PLXNA4: variants seen among roughly 807,000 people sequenced by gnomAD.
PLXNA4 encodes plexin-A4.
Under a neutral mutation model 191.8 loss-of-function variants are expected in PLXNA4, and 44 were observed. The ratio of observed to expected loss-of-function variants is 0.23; its 90% CI spans 0.18 to 0.29. The LOEUF (loss-of-function observed/expected upper bound fraction) is 0.29. Ranked by LOEUF, PLXNA4 falls within the 10% of genes least tolerant of loss-of-function variation. The pLI, the probability that PLXNA4 is intolerant of heterozygous loss-of-function variation, is 1.00. For synonymous variants in PLXNA4, 1,082 were observed against 1,009.5 expected, an observed-to-expected ratio of 1.07 and a Z score of -1.36; for missense variants, 1,800 against 2,488.8, an observed-to-expected ratio of 0.72 and a Z score of 5.89.
At chr7:132,621,275 T>TG (rs1301876137) in intron 2 of PLXNA4, among the ~76,000 whole-genome samples, 1 of 150,928 alleles carries the variant, frequency 6.6e-6, no homozygotes, top group African/African-American at 2.4e-5. Flanking sequence ...TTTGTTTTTT[T>TG]TTTTAGATGG....
chr7:132,364,166 G>A (rs1804061434), intron 3 of PLXNA4, among the ~76,000 whole-genome samples: 1 of 152,222 alleles, frequency 6.6e-6, no homozygotes, highest in African/African-American at 2.4e-5. Context: ...GGCGGGGCTG[G>A]GTATGGGGAG....
At chr7:132,630,515 T>TTTTTGTTTTG (rs60870152) in intron 2 of PLXNA4, among the ~76,000 whole-genome samples, 2,763 of 152,148 alleles carry the variant, frequency 0.018, 77 homozygotes, top group African/African-American at 0.062. Context: ...TTTTTTTGTT[T>TTTTTGTTTTG]TTTTGTTTTG....
At chr7:132,530,327 A>C (rs1334388263) in intron 1 of PLXNA4, among the ~76,000 whole-genome samples, 1 of 152,210 alleles carries the variant, frequency 6.6e-6, no homozygotes, top group Non-Finnish European at 1.5e-5. Context: ...GGTAACAAAC[A>C]TAAAGAGACA....
At chr7:132,218,944 C>T (rs1276176787) in intron 9 of PLXNA4, among the ~76,000 whole-genome samples, 1 of 152,048 alleles carries the variant, frequency 6.6e-6, no homozygotes, top group Non-Finnish European at 1.5e-5. Flanking sequence ...AGTCCAATAA[C>T]TTCACCTGAA....
chr7:132,606,528 A>G (rs189261660), intron 2 of PLXNA4, among the ~76,000 whole-genome samples: 4 of 152,326 alleles, frequency 2.6e-5, no homozygotes, highest in South Asian at 4.2e-4. Context: ...TTCTGCATTC[A>G]CCTAGTGTTT....
chr7:132,199,160 C>T (rs1366802792), intron 12 of PLXNA4, among the ~76,000 whole-genome samples: 1 of 152,154 alleles, frequency 6.6e-6, no homozygotes, highest in Non-Finnish European at 1.5e-5. Flanking sequence ...TTCTTTGTGC[C>T]TGTTCTTCAT....
intron 1 of PLXNA4, among the ~76,000 whole-genome samples, chr7:132,526,017 CT>C (rs1799387062): frequency 6.6e-6 from 1 of 152,206 alleles, no homozygotes; most frequent in Non-Finnish European, 1.5e-5. Flanking sequence ...TTGGGAAATG[CT>C]GGCATGTTGG....
intron 3 of PLXNA4, among the ~76,000 whole-genome samples, chr7:132,468,741 C>T (rs1490908204): frequency 8.0e-6 from 1 of 124,966 alleles, no homozygotes; most frequent in East Asian, 1.9e-4. Flanking sequence ...CACGCACACA[C>T]ACACACACAC....
At chr7:132,442,840 A>G (rs1795746581) in intron 3 of PLXNA4, among the ~76,000 whole-genome samples, 1 of 152,202 alleles carries the variant, frequency 6.6e-6, no homozygotes, top group African/African-American at 2.4e-5. Flanking sequence ...CTGATCTAGC[A>G]GACTTAAAGG....
At chr7:132,531,510 GT>G (rs1405935451) in intron 1 of PLXNA4, among the ~76,000 whole-genome samples, 1 of 152,192 alleles carries the variant, frequency 6.6e-6, no homozygotes, top group Non-Finnish European at 1.5e-5. Flanking sequence ...CACAAAGTTA[GT>G]ATGTAATAGA....
chr7:132,271,856 G>C (rs1198008719), intron 4 of PLXNA4, among the ~76,000 whole-genome samples: 1 of 152,146 alleles, frequency 6.6e-6, no homozygotes, highest in Admixed American at 6.5e-5. Context: ...CTAAACTACA[G>C]GCTCAAATTA....
At chr7:132,458,519 G>T (rs1387547349) in intron 3 of PLXNA4, among the ~76,000 whole-genome samples, 2 of 151,570 alleles carry the variant, frequency 1.3e-5, no homozygotes, top group African/African-American at 2.4e-5. Context: ...GAGTGAGCTG[G>T]GTATCTCTCT....
In PLXNA4 at chr7:132,470,513, C is replaced by T. The variant is rs369598903; in HGVS notation, c.1371+18779G>A. On this transcript the variant is annotated intron_variant, in intron 3 of 31. Coordinates refer to ENST00000321063, the MANE Select transcript of PLXNA4 (RefSeq NM_020911.2). Reference sequence around the variant, plus strand: ...TTGTATAGGTAGAATCATGCCCCCTCCCCAAAGATGTCCACATCCTAATCC... The same window carrying T: ...TTGTATAGGTAGAATCATGCCCCCTTCCCAAAGATGTCCACATCCTAATCC... Among the ~76,000 whole-genome samples the T allele has an allele frequency of 3.0e-4, 45 of 152,294 alleles. 1 individual carries two copies. In the South Asian group the frequency reaches 9.1e-3, roughly 31 times the overall value.
At chr7:132,430,637 T>C (rs1003629050) in intron 3 of PLXNA4, among the ~76,000 whole-genome samples, 3 of 152,110 alleles carry the variant, frequency 2.0e-5, no homozygotes, top group Non-Finnish European at 2.9e-5. Context: ...ATAGCTGAGG[T>C]TGCAGTCTTC....
At chr7:132,590,562 G>A (rs2116825858) in intron 2 of PLXNA4, among the ~76,000 whole-genome samples, 1 of 152,304 alleles carries the variant, frequency 6.6e-6, no homozygotes, top group Middle Eastern at 3.4e-3. Flanking sequence ...GGAGTCTGAT[G>A]TTTGAGGGCA....
rs192321620 is a variant in PLXNA4 at position 132,123,466 on chromosome 7, C to T, written c.*7013G>A. 6.6e-6 allele frequency: 1 copy of T among 152,106 alleles called. No individual in the cohort carries two copies. The highest frequency in any genetic ancestry group is 1.5e-5 in the Non-Finnish European group (1 of 68,034). The allele number at this position is 152,106 out of a possible 1,614,324, so 9.4% of individuals were successfully genotyped here. ...TATACAATTAATTATAACAAAGGTA[C>T]AGAAGCTTGCCTTTACCAAGTTACA... On this transcript the variant is annotated 3_prime_UTR_variant, in exon 32 of 32. Transcript: ENST00000321063.
chr7:132,562,814 C>CT (rs1801296182), intron 1 of PLXNA4, among the ~76,000 whole-genome samples: 1 of 121,026 alleles, frequency 8.3e-6, no homozygotes, highest in African/African-American at 3.4e-5. Flanking sequence ...TCTCCTCCTC[C>CT]TTCTCCTCCT....
intron 3 of PLXNA4, among the ~76,000 whole-genome samples, chr7:132,310,915 A>G (rs964311541): frequency 7.9e-5 from 12 of 152,186 alleles, no homozygotes; most frequent in Admixed American, 7.9e-4. Context: ...GCAACTTCCC[A>G]GAAGGTGGAG....
chr7:132,594,626 C>G (rs1457367699), intron 2 of PLXNA4, among the ~76,000 whole-genome samples: 1 of 152,196 alleles, frequency 6.6e-6, no homozygotes, highest in African/African-American at 2.4e-5. Context: ...GTGTGATCTC[C>G]AAGGTCCCTC....
Sources: gnomAD v4.1 joint callset for allele counts (sites outside exome capture counted in the v4.1 genomes callset) on GRCh38, gnomAD v4.1.1 for gene constraint, MANE v1.5 for transcripts, NCBI Gene and HGNC (gene_info 2026-07-23, HGNC 2026-07-21) for gene names.